The following MICU1 variants were observed in gnomAD, a reference collection of about 807,000 sequenced individuals.
MICU1 encodes mitochondrial calcium uptake 1, also known as calcium uptake protein 1, mitochondrial.
MICU1 carries 45 observed loss-of-function variants against 56.8 expected under a neutral mutation model. That is an observed-to-expected ratio of 0.79 (90% CI 0.62 to 1.02). MICU1 has a LOEUF of 1.02. MICU1 is among the 50% of genes least tolerant of loss of function. The probability of loss-of-function intolerance (pLI) is 0.00; values close to 1 mark genes in which losing one functional copy is unlikely to be tolerated. For missense variants in MICU1, 504 were observed against 587.1 expected (o/e 0.86, Z 1.46); for synonymous variants, 186 against 195.1 (o/e 0.95, Z 0.39).
At position 72,521,905 on chromosome 10, in the gene MICU1, A is replaced by G. The variant is rs574349441; in HGVS notation, c.537+11841T>C. Among the ~76,000 whole-genome samples the G allele has an allele frequency of 2.6e-5, 4 of 152,210 alleles. No homozygotes were observed. The East Asian group carries it at 7.7e-4, about 29-fold the overall frequency. ...TTAAGGCTTTCACTTACTCAAATGC[A>G]TATTTCAATCATTTTGAAATGTGCA... On this transcript the variant is annotated intron_variant, in intron 5 of 11. Coordinates refer to ENST00000361114, the MANE Select transcript of MICU1 (RefSeq NM_001195518.2).
chr10:72,569,327 C>T (rs1840547854), intron 1 of MICU1, among the ~76,000 whole-genome samples: 1 of 144,858 alleles, frequency 6.9e-6, no homozygotes, highest in South Asian at 2.2e-4. Flanking sequence ...CTCTGCCTCT[C>T]GGATTCAAGC....
At chr10:72,441,551 T>TAAA (rs35141740) in intron 8 of MICU1, among the ~76,000 whole-genome samples, 9 of 127,036 alleles carry the variant, frequency 7.1e-5, no homozygotes, top group African/African-American at 2.6e-4. Context: ...TTAAATTATT[T>TAAA]AAAAAAAAAA....
At chr10:72,485,061 T>A (rs1866423088) in intron 6 of MICU1, among the ~76,000 whole-genome samples, 1 of 152,082 alleles carries the variant, frequency 6.6e-6, no homozygotes, top group Non-Finnish European at 1.5e-5. Flanking sequence ...ATCTGGCCCT[T>A]TAAGAAAAAG....
chr10:72,598,182 A>T (rs901070287), intron 1 of MICU1, among the ~76,000 whole-genome samples: 1 of 152,158 alleles, frequency 6.6e-6, no homozygotes, highest in African/African-American at 2.4e-5. Flanking sequence ...AGAGGAATTA[A>T]CAAAACAAAA....
At chr10:72,492,827 T>TAAAATAAAATAAAAC (rs1564900086) in intron 6 of MICU1, among the ~76,000 whole-genome samples, 1 of 150,920 alleles carries the variant, frequency 6.6e-6, no homozygotes, top group Non-Finnish European at 1.5e-5. Flanking sequence ...TAAAATAAAA[T>TAAAATAAAATAAAAC]GTATATGGGC....
intron 1 of MICU1, among the ~76,000 whole-genome samples, chr10:72,595,531 C>T (rs1295281863): frequency 6.7e-6 from 1 of 149,292 alleles, no homozygotes; most frequent in Non-Finnish European, 1.5e-5. Flanking sequence ...GGAATAATGC[C>T]AAAATGATAA....
At chr10:72,435,975 A>G (rs1864702749) in intron 8 of MICU1, among the ~76,000 whole-genome samples, 2 of 152,260 alleles carry the variant, frequency 1.3e-5, no homozygotes, top group African/African-American at 4.8e-5. Context: ...GCTGAACAAA[A>G]GCCAGCAGAC....
intron 8 of MICU1, among the ~76,000 whole-genome samples, chr10:72,426,180 G>A (rs1438011200): frequency 6.6e-6 from 1 of 152,088 alleles, no homozygotes; most frequent in African/African-American, 2.4e-5. Context: ...ACCATGCCCA[G>A]ATAATTTTTG....
Position 72,524,057 on chromosome 10 carries a change from T to G in MICU1, c.537+9689A>C, listed in dbSNP as rs1020647378. The G allele has an allele frequency of 3.7e-6, 4 of 1,075,286 alleles. No individual in the cohort carries two copies. The African/African-American group carries it at 6.5e-5, about 18-fold the overall frequency. 66.6% of individuals were successfully genotyped at this position (1,075,286 alleles called of 1,614,324 possible). On this transcript the variant is annotated intron_variant, in intron 5 of 11. Transcript: ENST00000361114. Reference sequence around the variant, plus strand: ...AAGAAAAAAAGATTAATTTTTAACTTGAAGTTACTGTTGTCTCATCAGTCC... The same window carrying G: ...AAGAAAAAAAGATTAATTTTTAACTGGAAGTTACTGTTGTCTCATCAGTCC...
At chr10:72,532,509 G>A (rs1364496153) in intron 5 of MICU1, among the ~76,000 whole-genome samples, 1 of 151,984 alleles carries the variant, frequency 6.6e-6, no homozygotes, top group Non-Finnish European at 1.5e-5. Flanking sequence ...GGTAAGATAG[G>A]GACCTGACCC....
At chr10:72,587,608 A>C (rs992319602) in intron 1 of MICU1, among the ~76,000 whole-genome samples, 1 of 152,026 alleles carries the variant, frequency 6.6e-6, no homozygotes, top group Non-Finnish European at 1.5e-5. Context: ...TGTCTCTACT[A>C]AATATACAAC....
intron 8 of MICU1, among the ~76,000 whole-genome samples, chr10:72,456,986 T>TGTG (rs1865491013): frequency 6.8e-6 from 1 of 146,054 alleles, no homozygotes; most frequent in African/African-American, 2.6e-5. Flanking sequence ...TGTGTGTGTG[T>TGTG]TTTGTTTGTT....
intron 9 of MICU1, among the ~76,000 whole-genome samples, chr10:72,415,080 A>G (rs1294513883): frequency 1.3e-5 from 2 of 148,564 alleles, no homozygotes; most frequent in Non-Finnish European, 3.0e-5. Flanking sequence ...CAATGGAGCA[A>G]TCTTGGCTCA....
intron 3 of MICU1, among the ~76,000 whole-genome samples, chr10:72,552,136 C>T (rs187154309): frequency 1.2e-4 from 18 of 152,212 alleles, no homozygotes; most frequent in Admixed American, 1.2e-3. Flanking sequence ...TCTGAAGCAA[C>T]AGATTTTTGA....
chr10:72,599,462 C>T (rs1006623855), intron 1 of MICU1, among the ~76,000 whole-genome samples: 9 of 152,082 alleles, frequency 5.9e-5, no homozygotes, highest in African/African-American at 2.2e-4. Context: ...CATGAATCAT[C>T]CCTTTACCCA....
chr10:72,544,887 A>G (rs773860272), intron 4 of MICU1, among the ~76,000 whole-genome samples: 3 of 152,198 alleles, frequency 2.0e-5, no homozygotes, highest in Non-Finnish European at 4.4e-5. Context: ...CTGCTCCCCT[A>G]TTCATTTTAA....
chr10:72,387,679 C>T (rs1767834023), intron 10 of MICU1, among the ~76,000 whole-genome samples: 1 of 150,706 alleles, frequency 6.6e-6, no homozygotes, highest in East Asian at 1.9e-4. Flanking sequence ...GTATAAACAA[C>T]TTAGAACTTC....
chr10:72,519,139 T>C (rs1007904124), intron 5 of MICU1, among the ~76,000 whole-genome samples: 2 of 152,244 alleles, frequency 1.3e-5, no homozygotes, highest in African/African-American at 4.8e-5. Flanking sequence ...ATGACAAGAA[T>C]AGCATTTCTA....
At chr10:72,477,599 C>T (rs1285353255) in intron 6 of MICU1, 2 of 1,477,230 alleles carry the variant, frequency 1.4e-6, no homozygotes, top group Non-Finnish European at 9.1e-7. Flanking sequence ...TATGGTATTA[C>T]TTATCTGGGC....
Sources: gnomAD v4.1 joint callset for allele counts (sites outside exome capture counted in the v4.1 genomes callset) on GRCh38, gnomAD v4.1.1 for gene constraint, MANE v1.5 for transcripts, NCBI Gene and HGNC (gene_info 2026-07-23, HGNC 2026-07-21) for gene names.